Variants in THSD7B observed in about 807,000 individuals in gnomAD.
The protein encoded by THSD7B is thrombospondin type 1 domain containing 7B, also known as thrombospondin type-1 domain-containing protein 7B.
A neutral mutation model predicts 213.6 loss-of-function variants in THSD7B; 138 were observed. The observed-to-expected ratio is 0.65, with a 90% CI of 0.56 to 0.74. THSD7B has a LOEUF of 0.74. THSD7B is among the 30% of genes least tolerant of loss of function. The pLI is 0.00. For synonymous variants in THSD7B, 742 were observed against 687.0 expected (o/e 1.08, Z -1.25); for missense variants, 1,931 against 1,991.5 (o/e 0.97, Z 0.58).
intron 9 of THSD7B, among the ~76,000 whole-genome samples, chr2:137,240,025 T>C (rs1681865882): frequency 6.6e-6 from 1 of 152,208 alleles, no homozygotes; most frequent in Admixed American, 6.5e-5. Context: ...AACCTCATGA[T>C]CTAATTATCT....
At chr2:136,904,189 G>A (rs1030474099) in intron 2 of THSD7B, among the ~76,000 whole-genome samples, 4 of 152,258 alleles carry the variant, frequency 2.6e-5, no homozygotes, top group African/African-American at 9.6e-5. Flanking sequence ...TGTGGAGACG[G>A]GGAAGTGGTG....
At chr2:136,789,238 C>A (rs1043571094) in intron 1 of THSD7B, among the ~76,000 whole-genome samples, 2 of 151,888 alleles carry the variant, frequency 1.3e-5, no homozygotes, top group African/African-American at 4.8e-5. Context: ...CTGTCCTTAG[C>A]AAAAAGTAAT....
In THSD7B at chr2:137,170,680, T is replaced by G; in HGVS notation, c.1526-61T>G. On this transcript the variant is annotated intron_variant, in intron 6 of 27. Coordinates refer to ENST00000409968, the MANE Select transcript of THSD7B (RefSeq NM_001316349.2). ...AACTTTTCATCTCTCACCCAGCTGC[T>G]TCTTTTCCTTTCCTGGAAAAGAGTG... The G allele has an allele frequency of 4.5e-6, 7 of 1,545,994 alleles. No individual in the cohort carries two copies. In the South Asian group the frequency reaches 8.2e-5, roughly 18 times the overall value.
rs573618073 is a variant in THSD7B at position 136,785,304 on chromosome 2, C to T, written c.-36+19617C>T. On this transcript the variant is annotated intron_variant, in intron 1 of 27. Transcript: ENST00000409968. ...TCTGTCAAAACCTTGCCCTTCTTGT[C>T]ACTAGGATGATGTTTGGCTGTTCCC... 9.1e-4 allele frequency among the ~76,000 whole-genome samples: 139 copies of T among 152,288 alleles called. 2 individuals carry two copies. The highest frequency in any genetic ancestry group is 1.5e-3 in the Non-Finnish European group (103 of 68,028).
intron 7 of THSD7B, among the ~76,000 whole-genome samples, chr2:137,210,309 T>C (rs1681073893): frequency 6.6e-6 from 1 of 152,050 alleles, no homozygotes; most frequent in African/African-American, 2.4e-5. Flanking sequence ...TCAATAGACA[T>C]AAGTAGATCA....
At chr2:137,007,578 T>C (rs978349265) in intron 2 of THSD7B, among the ~76,000 whole-genome samples, 44 of 152,172 alleles carry the variant, frequency 2.9e-4, no homozygotes, top group Non-Finnish European at 4.4e-5. Flanking sequence ...TGGTGAGTGA[T>C]AAATGAAGTT....
At chr2:137,492,368 C>A (rs960021336) in intron 15 of THSD7B, among the ~76,000 whole-genome samples, 1 of 152,126 alleles carries the variant, frequency 6.6e-6, no homozygotes, top group Non-Finnish European at 1.5e-5. Flanking sequence ...TCTTACCATG[C>A]CTCTCCTATT....
intron 1 of THSD7B, among the ~76,000 whole-genome samples, chr2:136,814,447 C>T (rs940248753): frequency 1.3e-5 from 2 of 151,760 alleles, no homozygotes; most frequent in South Asian, 2.1e-4. Context: ...TGCCCAGGCT[C>T]GAGTGCAGTG....
At chr2:136,909,009 A>G (rs980534181) in intron 2 of THSD7B, among the ~76,000 whole-genome samples, 1 of 151,958 alleles carries the variant, frequency 6.6e-6, no homozygotes, top group African/African-American at 2.4e-5. Flanking sequence ...GGCAAGACCC[A>G]ATCTCTACTA....
chr2:137,140,128 T>C (rs1015033819), intron 5 of THSD7B, among the ~76,000 whole-genome samples: 1 of 152,142 alleles, frequency 6.6e-6, no homozygotes, highest in African/African-American at 2.4e-5. Context: ...AAATAGTTTT[T>C]GGTGTAATTT....
At chr2:137,299,488 G>A (rs1392012063) in intron 12 of THSD7B, among the ~76,000 whole-genome samples, 9 of 22,058 alleles carry the variant, frequency 4.1e-4, no homozygotes, top group African/African-American at 1.3e-3. Flanking sequence ...GGGAGGGGCC[G>A]GGGTGGAGTG....
chr2:137,387,320 A>G (rs1339481156), intron 12 of THSD7B, among the ~76,000 whole-genome samples: 1 of 152,184 alleles, frequency 6.6e-6, no homozygotes, highest in Non-Finnish European at 1.5e-5. Context: ...ATTCCCTAAC[A>G]AGGATACTCA....
chr2:137,484,435 G>A (rs1688381900), intron 15 of THSD7B, among the ~76,000 whole-genome samples: 1 of 122,846 alleles, frequency 8.1e-6, no homozygotes, highest in African/African-American at 3.2e-5. Flanking sequence ...GGACATTTGG[G>A]TTGGTTCCAA....
At chr2:137,203,090 T>C (rs1416101070) in intron 7 of THSD7B, among the ~76,000 whole-genome samples, 1 of 151,970 alleles carries the variant, frequency 6.6e-6, no homozygotes, top group African/African-American at 2.4e-5. Context: ...CTCGGTGTGA[T>C]TGTTGATATT....
At chr2:136,823,596 T>C (rs1682598605) in intron 1 of THSD7B, among the ~76,000 whole-genome samples, 1 of 152,226 alleles carries the variant, frequency 6.6e-6, no homozygotes, top group African/African-American at 2.4e-5. Context: ...TTAAAACTTT[T>C]ACTTTTCATG....
chr2:137,319,052 C>G (rs1455895855), intron 12 of THSD7B, among the ~76,000 whole-genome samples: 3 of 151,890 alleles, frequency 2.0e-5, no homozygotes, highest in Non-Finnish European at 4.4e-5. Flanking sequence ...AGGTCATTTA[C>G]TCGTCTTACT....
At position 137,151,757 on chromosome 2, in the gene THSD7B, A is replaced by G. The variant is rs1042484843; in HGVS notation, c.1370-8456A>G. On this transcript the variant is annotated intron_variant, in intron 5 of 27. Coordinates refer to ENST00000409968, the MANE Select transcript of THSD7B (RefSeq NM_001316349.2). ...GTACTTTTATATGACTAGCAGCACC[A>G]CAGGTCTGTTTATACCAGCATCGCC... Among the ~76,000 whole-genome samples the G allele has an allele frequency of 3.9e-5, 6 of 152,198 alleles. No homozygotes were observed. In the East Asian group the frequency reaches 1.2e-3, roughly 29 times the overall value.
intron 1 of THSD7B, among the ~76,000 whole-genome samples, chr2:136,802,639 T>TTA (rs56719114): frequency 0.095 from 5,369 of 56,616 alleles, 589 homozygotes; most frequent in Non-Finnish European, 0.11. Context: ...TGAATTAAGT[T>TTA]TATATATATA....
chr2:137,091,262 C>T (rs932623859), intron 3 of THSD7B, among the ~76,000 whole-genome samples: 1 of 152,104 alleles, frequency 6.6e-6, no homozygotes, highest in Non-Finnish European at 1.5e-5. Context: ...GGATGAGCAA[C>T]AGAGAGTGAA....
Sources: allele counts gnomAD v4.1 joint callset (sites outside exome capture counted in the v4.1 genomes callset), GRCh38; gene constraint gnomAD v4.1.1; transcripts MANE v1.5; gene names NCBI Gene and HGNC (gene_info 2026-07-23, HGNC 2026-07-21).